The following ADH5 variants were observed in gnomAD, a reference collection of about 807,000 sequenced individuals.
ADH5 encodes alcohol dehydrogenase class-3.
ADH5 carries 32 observed loss-of-function variants against 40.3 expected under a neutral mutation model. That is an observed-to-expected ratio of 0.79 (90% CI 0.60 to 1.07). The LOEUF is 1.07. Ranked by LOEUF, ADH5 falls within the 50% of genes least tolerant of loss-of-function variation. The probability of loss-of-function intolerance (pLI) is 0.00; values close to 1 mark genes in which losing one functional copy is unlikely to be tolerated. For missense variants in ADH5, 353 were observed against 460.5 expected, an observed-to-expected ratio of 0.77 and a Z score of 2.14; for synonymous variants, 125 against 154.3, an observed-to-expected ratio of 0.81 and a Z score of 1.41.
At chr4:99,085,403 G>A (rs543224208) in intron 1 of ADH5, 187 bp from the exon 2 acceptor site, 1 of 424,098 alleles carries the variant, frequency 2.4e-6, no homozygotes, top group Non-Finnish European at 4.2e-6. Context: ...TGATTTAATT[G>A]AGATGATTAC....
At position 99,081,438 on chromosome 4, in the gene ADH5, G is replaced by T. The variant is rs773990731; in HGVS notation, c.271C>A (p.Pro91Thr). 1.9e-6 allele frequency: 3 copies of T among 1,608,362 alleles called. No homozygotes were observed. The South Asian group carries it at 3.3e-5, about 18-fold the overall frequency. The change falls in exon 4 of 9, where the codon CCA (proline) becomes ACA (threonine). Residue 91 changes from proline (P) to threonine (T), a missense_variant. Pro to Thr is a conservative substitution (Grantham distance 38, BLOSUM62 -1). Transcript: ENST00000296412. ...TCTCCACACTGTGGGATGTAAAGTG[G>T]GATGACAGTGTCACCTGGAAACAAA... ...TKLKAGDTVI[P>T]LYIPQCGECK... is the part of the protein sequence containing the mutation.
chr4:99,081,528 T>C, intron 3 of ADH5, 76 bp from the exon 4 acceptor site: 3 of 1,048,006 alleles, frequency 2.9e-6, no homozygotes, highest in South Asian at 2.9e-5. Context: ...TGCAAATTCC[T>C]GTCAACGGAT....
intron 2 of ADH5, among the ~76,000 whole-genome samples, chr4:99,083,754 C>G (rs576485197): frequency 6.6e-6 from 1 of 152,092 alleles, no homozygotes; most frequent in African/African-American, 2.4e-5. Context: ...AGTCACAGCT[C>G]TTTTTTGCTG....
At chr4:99,082,383 C>T (rs1481448789) in intron 2 of ADH5, among the ~76,000 whole-genome samples, 2 of 152,084 alleles carry the variant, frequency 1.3e-5, no homozygotes, top group African/African-American at 2.4e-5. Flanking sequence ...CCCCTTTCAG[C>T]GCGCGTTAGC....
intron 6 of ADH5, 171 bp downstream of exon 6, chr4:99,076,121 G>T: frequency 1.5e-6 from 1 of 651,528 alleles, no homozygotes; most frequent in Non-Finnish European, 2.6e-6. Flanking sequence ...TCCCTGAGCT[G>T]TTCTTGTATC....
intron 3 of ADH5, 135 bp downstream of exon 3, chr4:99,081,840 G>A: frequency 1.2e-6 from 1 of 865,564 alleles, no homozygotes; most frequent in Non-Finnish European, 1.7e-6. Context: ...CTTCCCAGAT[G>A]AGGAATCAAC....
chr4:99,078,637 A>T (rs113899671), intron 4 of ADH5, among the ~76,000 whole-genome samples: 2 of 152,334 alleles, frequency 1.3e-5, no homozygotes, highest in Non-Finnish European at 2.9e-5. Context: ...GTTGGACTCA[A>T]GTGAACCACC....
chr4:99,076,574 A>G (rs1579361774), intron 5 of ADH5, 22 bp from the exon 6 acceptor site: 2 of 1,608,594 alleles, frequency 1.2e-6, no homozygotes, highest in African/African-American at 2.7e-5. Context: ...GAAAGTTTAT[A>G]AAGTACTCAT....
chr4:99,078,718 T>A (rs2110460884), intron 4 of ADH5, among the ~76,000 whole-genome samples: 1 of 152,344 alleles, frequency 6.6e-6, no homozygotes, highest in South Asian at 2.1e-4. Flanking sequence ...AACTGCTATA[T>A]CTTAATGAGA....
At position 99,082,056 on chromosome 4, in the gene ADH5, CCTCAGGATCAGCTCCA is replaced by C; in HGVS notation, c.159_174del (p.Ser53ArgfsTer6). 1 of 1,613,952 alleles carries C rather than the reference CCTCAGGATCAGCTCCA, an allele frequency of 6.2e-7. No individual in the cohort carries two copies. On this transcript the variant is annotated frameshift_variant, in exon 3 of 9. Transcript: ENST00000296412. LOFTEE classifies it high-confidence loss of function. ...TGTCCCAAGATCACTGGAAAACAAC[CCTCAGGATCAGCTCCA>C]CTCAGGGTATAGGCATCGGTGTGGC... is the stretch of plus-strand genomic sequence containing the variant.
chr4:99,085,644 G>C, intron 1 of ADH5: 1 of 323,352 alleles, frequency 3.1e-6, no homozygotes, highest in Non-Finnish European at 6.3e-6. Flanking sequence ...CTGCAGGGTG[G>C]GAAGGAGGAT....
In ADH5 at chr4:99,072,812, G is replaced by A. The variant is rs1282928361; in HGVS notation, c.962-101C>T. On this transcript the variant is annotated intron_variant, in intron 7 of 8. Coordinates refer to ENST00000296412, the MANE Select transcript of ADH5 (RefSeq NM_000671.4). ...TTTAAAAGAATGAATTTTTTGATGA[G>A]TTAAAGAGTAATGAGAAACTCCAAA... is the stretch of plus-strand genomic sequence containing the variant. 7.2e-6 allele frequency: 8 copies of A among 1,116,430 alleles called. No individual in the cohort carries two copies. In the African/African-American group the frequency reaches 1.1e-4, roughly 15 times the overall value. 69.2% of individuals were successfully genotyped at this position (1,116,430 alleles called of 1,614,324 possible).
rs1727822606 is a variant in ADH5 at position 99,070,990 on chromosome 4, C to A, written c.*1427G>T. 1 of 152,036 alleles carries A rather than the reference C, an allele frequency of 6.6e-6. No individual in the cohort carries two copies. The highest frequency in any genetic ancestry group is 2.4e-5 in the African/African-American group (1 of 41,402). 9.4% of individuals were successfully genotyped at this position (152,036 alleles called of 1,614,324 possible). A position where few individuals can be genotyped will look rare whatever the true frequency, so the allele number is the denominator to read the frequency against. ...ACCACCAGGAAGATTTATGTGACTA[C>A]ATTAAAACTTTATTCAACAAAATAC... On this transcript the variant is annotated 3_prime_UTR_variant, in exon 9 of 9. Transcript: ENST00000296412.
chr4:99,085,243 C>CT (rs768259992), intron 1 of ADH5, 27 bp from the exon 2 acceptor site: 2 of 1,275,494 alleles, frequency 1.6e-6, no homozygotes. Context: ...AGGGAATAAG[C>CT]TGTTTATCCT....
At chr4:99,076,213 A>G (rs1579361458) in intron 6 of ADH5, 79 bp downstream of exon 6, 4 of 1,513,248 alleles carry the variant, frequency 2.6e-6, no homozygotes. Flanking sequence ...CTTTGCCAAA[A>G]CAAAACAATT....
At chr4:99,084,278 A>C (rs554012421) in intron 2 of ADH5, among the ~76,000 whole-genome samples, 1 of 152,100 alleles carries the variant, frequency 6.6e-6, no homozygotes, top group East Asian at 1.9e-4. Flanking sequence ...TGTCACAAAG[A>C]CCCTGCTGAT....
intron 4 of ADH5, 76 bp from the exon 5 acceptor site, chr4:99,076,999 A>G (rs1727944199): frequency 9.7e-7 from 1 of 1,027,852 alleles, no homozygotes; most frequent in Non-Finnish European, 1.4e-6. Flanking sequence ...ATGTTTTAAA[A>G]ATAATGACCA....
At chr4:99,085,025 G>C in intron 2 of ADH5, 90 bp downstream of exon 2, 1 of 580,150 alleles carries the variant, frequency 1.7e-6, no homozygotes, top group Non-Finnish European at 2.7e-6. Context: ...TGTCCTTTGG[G>C]ATTTATCCTC....
At position 99,088,351 on chromosome 4, in the gene ADH5, T is replaced by C. The variant is rs554677410; in HGVS notation, c.12+338A>G. Reference sequence around the variant, plus strand: ...GAATGACCCAGAGCGAGTTACTTAATTTCGTGTAAGAAGCAATGCGTGGCC... The same window carrying C: ...GAATGACCCAGAGCGAGTTACTTAACTTCGTGTAAGAAGCAATGCGTGGCC... On this transcript the variant is annotated intron_variant, in intron 1 of 8. Transcript: ENST00000296412. Among the ~76,000 whole-genome samples the C allele has an allele frequency of 2.0e-5, 3 of 152,118 alleles. No individual in the cohort carries two copies. In the South Asian group the frequency reaches 6.2e-4, roughly 32 times the overall value.
Sources: gnomAD v4.1 joint callset for allele counts (sites outside exome capture counted in the v4.1 genomes callset) on GRCh38, gnomAD v4.1.1 for gene constraint, MANE v1.5 for transcripts, NCBI Gene and HGNC (gene_info 2026-07-23, HGNC 2026-07-21) for gene names.